Variants in GPHN observed in about 807,000 individuals in gnomAD.
The protein encoded by GPHN is gephyrin.
GPHN carries 17 observed loss-of-function variants against 95.5 expected under a neutral mutation model. The observed-to-expected ratio is 0.18, with a 90% CI of 0.12 to 0.27. The LOEUF (loss-of-function observed/expected upper bound fraction) is 0.27, where lower values mean the gene tolerates loss of function less well. Among genes scored for constraint, GPHN ranks in the 10% least tolerant of loss-of-function variants. GPHN has a pLI of 1.00. For synonymous variants in GPHN, 320 were observed against 322.5 expected (o/e 0.99, Z 0.08); for missense variants, 660 against 978.1 (o/e 0.67, Z 4.34).
chr14:67,507,817 C>A, the GPHN span, among the ~76,000 whole-genome samples: 1 of 152,278 alleles, frequency 6.6e-6, no homozygotes, highest in East Asian at 1.9e-4. Context: ...GACACCACCT[C>A]TCAGCTGCCC....
the GPHN span, among the ~76,000 whole-genome samples, chr14:67,495,040 T>C: frequency 6.6e-6 from 1 of 152,346 alleles, no homozygotes. Flanking sequence ...TGTACTGTTC[T>C]GGCAACTTTT....
the GPHN span, chr14:67,714,890 A>G: frequency 5.7e-3 from 870 of 152,358 alleles, 1 homozygote; most frequent in Non-Finnish European, 9.4e-3. Context: ...TGCCAACTCA[A>G]GGCATTCACT....
chr14:67,423,804 A>G, the GPHN span, among the ~76,000 whole-genome samples: 1 of 152,224 alleles, frequency 6.6e-6, no homozygotes, highest in Non-Finnish European at 1.5e-5. Context: ...GAAGTGTCCA[A>G]GTGCAAGTGA....
At chr14:67,588,891 A>C in the GPHN span, 1 of 152,644 alleles carries the variant, frequency 6.6e-6, no homozygotes, top group African/African-American at 2.4e-5. Flanking sequence ...ATGAAAAAAG[A>C]AGCACATCCA....
intron 13 of GPHN, among the ~76,000 whole-genome samples, chr14:67,106,394 T>C (rs77381480): frequency 0.054 from 8,282 of 152,264 alleles, 235 homozygotes; most frequent in Middle Eastern, 0.068. Context: ...AAGTTTCTTA[T>C]GCCTTTTCCT....
chr14:67,644,025 A>G, the GPHN span, among the ~76,000 whole-genome samples: 7 of 152,144 alleles, frequency 4.6e-5, no homozygotes, highest in Non-Finnish European at 8.8e-5. Flanking sequence ...TGCTGTTCTG[A>G]GTTCTGGTCA....
chr14:67,350,544 T>C, the GPHN span: 1 of 1,402,048 alleles, frequency 7.1e-7, no homozygotes, highest in South Asian at 1.2e-5. Context: ...AAAAATGCTT[T>C]TTAAATGAAA....
rs547991060 is a variant in GPHN, at chr14:67,143,030, T to C, written c.1749-332T>C. The C allele has an allele frequency of 4.2e-5, 14 of 335,274 alleles. No homozygotes were observed. The East Asian group carries it at 9.6e-4, about 23-fold the overall frequency. 20.8% of individuals were successfully genotyped at this position (335,274 alleles called of 1,614,324 possible). A position where few individuals can be genotyped will look rare whatever the true frequency, so the allele number is the denominator to read the frequency against. On this transcript the variant is annotated intron_variant, in intron 17 of 22. Transcript: ENST00000478722. ...CTTGGATTCCTAGGACATCTGACTT[T>C]AGTACTAAAACAGGAATATTCCTAG...
intron 2 of GPHN, among the ~76,000 whole-genome samples, chr14:66,767,602 A>G (rs1468733093): frequency 6.6e-6 from 1 of 151,934 alleles, no homozygotes; most frequent in East Asian, 1.9e-4. Context: ...TTATAAGCTT[A>G]GGGGGAAAAT....
chr14:66,699,001 T>C (rs1243228986), intron 2 of GPHN, among the ~76,000 whole-genome samples: 2 of 151,756 alleles, frequency 1.3e-5, no homozygotes, highest in Non-Finnish European at 2.9e-5. Flanking sequence ...AGATAAGAAA[T>C]CATTGTGACC....
At chr14:67,489,052 GACTGCAGGACCTGAACC>G in the GPHN span, among the ~76,000 whole-genome samples, 1 of 152,186 alleles carries the variant, frequency 6.6e-6, no homozygotes, top group African/African-American at 2.4e-5. Context: ...CTCCTTTGAG[GACTGCAGGACCTGAACC>G]AGAGTTTCTT....
chr14:66,921,108 A>G (rs760878355), intron 6 of GPHN, among the ~76,000 whole-genome samples: 2 of 152,290 alleles, frequency 1.3e-5, no homozygotes, highest in East Asian at 1.9e-4. Flanking sequence ...CTCTGGGTAG[A>G]TACCCAGTAG....
At chr14:67,131,855 T>C (rs2079737594) in intron 17 of GPHN, among the ~76,000 whole-genome samples, 1 of 152,186 alleles carries the variant, frequency 6.6e-6, no homozygotes, top group South Asian at 2.1e-4. Context: ...AAACTGATTT[T>C]AAGTATTGAA....
the GPHN span, among the ~76,000 whole-genome samples, chr14:67,698,489 C>T: frequency 1.3e-5 from 2 of 152,066 alleles, no homozygotes; most frequent in Non-Finnish European, 2.9e-5. Context: ...CTTTGAGGAA[C>T]CCTAACATTA....
At chr14:67,097,197 C>T (rs2077441145) in intron 12 of GPHN, among the ~76,000 whole-genome samples, 1 of 152,126 alleles carries the variant, frequency 6.6e-6, no homozygotes, top group African/African-American at 2.4e-5. Context: ...AAAGAGGATG[C>T]ACGCAACTCT....
chr14:66,888,479 A>C (rs2153538920), intron 5 of GPHN, among the ~76,000 whole-genome samples: 1 of 152,296 alleles, frequency 6.6e-6, no homozygotes, highest in Non-Finnish European at 1.5e-5. Context: ...GTAGTATAAG[A>C]GCAGAGGTTT....
chr14:66,665,897 T>G (rs1566785859), intron 1 of GPHN, among the ~76,000 whole-genome samples: 1 of 152,176 alleles, frequency 6.6e-6, no homozygotes, highest in African/African-American at 2.4e-5. Context: ...GTGGCACATG[T>G]ACATCATGGA....
chr14:67,695,742 G>A, the GPHN span: 1 of 1,595,600 alleles, frequency 6.3e-7, no homozygotes, highest in Admixed American at 1.7e-5. Flanking sequence ...GGATGCTCCA[G>A]CGTTGCTCGC....
chr14:67,134,844 TTCTTTC>T (rs1469140492), intron 17 of GPHN, among the ~76,000 whole-genome samples: 4 of 151,720 alleles, frequency 2.6e-5, no homozygotes, highest in East Asian at 1.9e-4. Flanking sequence ...TTTTCCTTCT[TTCTTTC>T]TCTTTCTCTT....
Sources: allele counts gnomAD v4.1 joint callset (sites outside exome capture counted in the v4.1 genomes callset), GRCh38; gene constraint gnomAD v4.1.1; transcripts MANE v1.5; gene names NCBI Gene and HGNC (gene_info 2026-07-23, HGNC 2026-07-21).